The following SIPA1L3 variants were observed in gnomAD, a reference collection of about 807,000 sequenced individuals.
SIPA1L3 encodes signal induced proliferation associated 1 like 3.
SIPA1L3 carries 59 observed loss-of-function variants against 150.1 expected under a neutral mutation model. The ratio of observed to expected loss-of-function variants is 0.39; its 90% CI spans 0.32 to 0.49. The LOEUF (loss-of-function observed/expected upper bound fraction) is 0.49. Among genes scored for constraint, SIPA1L3 ranks in the 20% least tolerant of loss-of-function variants. The pLI is 0.86. For synonymous variants in SIPA1L3, 1,070 were observed against 1,077.6 expected, an observed-to-expected ratio of 0.99 and a Z score of 0.14; for missense variants, 2,211 against 2,489.5, an observed-to-expected ratio of 0.89 and a Z score of 2.38.
Position 38,164,877 on chromosome 19 carries a change from G to A in SIPA1L3, c.4179G>A (p.Gly1393=). 6.4e-7 allele frequency: 1 copy of A among 1,563,214 alleles called. No individual in the cohort carries two copies. Among genetic ancestry groups the A allele is most frequent in the African/African-American group, 1.3e-5 (1 of 74,228 alleles). Residue 1393 remains glycine (G), a synonymous_variant, in exon 15 of 22, where the codon GGG becomes GGA. Transcript: ENST00000222345. This position sits in a 1 kb window ranked among gnomAD's most constrained non-coding sequence, Gnocchi z 4.1. ...SGSSTPTGLA[G]GSRDPPRQPS... Reference sequence around the variant, plus strand: ...CCAGCACCCCCACGGGACTGGCGGGGGGCAGCCGAGACCCACCGAGGCAGC... The same window carrying A: ...CCAGCACCCCCACGGGACTGGCGGGAGGCAGCCGAGACCCACCGAGGCAGC...
At chr19:38,049,618 C>T (rs995721571) in intron 2 of SIPA1L3, among the ~76,000 whole-genome samples, 7 of 152,140 alleles carry the variant, frequency 4.6e-5, no homozygotes, top group Non-Finnish European at 4.4e-5. Flanking sequence ...CAGTTGCAGC[C>T]GGAGATAGGC....
chr19:37,924,180 T>TA (rs1179835925), intron 1 of SIPA1L3, among the ~76,000 whole-genome samples: 1 of 152,226 alleles, frequency 6.6e-6, no homozygotes, highest in Non-Finnish European at 1.5e-5. Context: ...TTTTTAAATT[T>TA]AAAATGTTCC....
At position 38,077,178 on chromosome 19, in the gene SIPA1L3, C is replaced by T. The variant is rs190296214; in HGVS notation, c.-310-4078C>T. ...AGAAAGTCATTGAGGAGGCTGGGTA[C>T]GGTGCCTCACACCTGTAATCCCAGT... On this transcript the variant is annotated intron_variant, in intron 2 of 21. Transcript: ENST00000222345. Among the ~76,000 whole-genome samples the T allele has an allele frequency of 3.0e-4, 45 of 152,210 alleles. 1 individual carries two copies. Among genetic ancestry groups the T allele is most frequent in the African/African-American group, 7.9e-4 (33 of 41,538 alleles).
intron 1 of SIPA1L3, among the ~76,000 whole-genome samples, chr19:37,936,341 G>A (rs553717051): frequency 6.6e-6 from 1 of 152,276 alleles, no homozygotes; most frequent in South Asian, 2.1e-4. Flanking sequence ...CACAGAAGTG[G>A]TGGGTAAACA....
chr19:37,928,192 A>T (rs1443229650), intron 1 of SIPA1L3, among the ~76,000 whole-genome samples: 1 of 152,138 alleles, frequency 6.6e-6, no homozygotes, highest in Non-Finnish European at 1.5e-5. Context: ...GTGTATCAGC[A>T]TGGTGACGTG....
intron 18 of SIPA1L3, among the ~76,000 whole-genome samples, chr19:38,195,201 G>T (rs1972895473): frequency 6.6e-6 from 1 of 152,112 alleles, no homozygotes; most frequent in South Asian, 2.1e-4. Flanking sequence ...CCTGCTCAGG[G>T]CATCCTGCAC....
At chr19:38,109,376 A>G (rs992151690) in intron 7 of SIPA1L3, 6 of 152,190 alleles carry the variant, frequency 3.9e-5, no homozygotes, top group South Asian at 2.1e-4. Flanking sequence ...ACCCACCCCT[A>G]TGATTCAGTT....
chr19:37,997,844 G>A (rs558803764), intron 1 of SIPA1L3, among the ~76,000 whole-genome samples: 1 of 143,668 alleles, frequency 7.0e-6, no homozygotes, highest in Admixed American at 7.2e-5. Flanking sequence ...CCAGCCTGAC[G>A]ACAGAGCGAG....
rs12982415 is a variant in SIPA1L3, at chr19:38,206,600, C to A, written c.*360C>A. On this transcript the variant is annotated 3_prime_UTR_variant, in exon 22 of 22. Coordinates refer to ENST00000222345, the MANE Select transcript of SIPA1L3 (RefSeq NM_015073.3). ...ACGGAGAGAGGAGCCAGTCTCCAGACGCCTCGGCTCCAGGAGGTCACACAG... is the reference window on the plus strand; with the variant it reads ...ACGGAGAGAGGAGCCAGTCTCCAGAAGCCTCGGCTCCAGGAGGTCACACAG... 1 of 190,694 alleles carries A rather than the reference C, an allele frequency of 5.2e-6. No individual in the cohort carries two copies. Among genetic ancestry groups the A allele is most frequent in the East Asian group, 1.3e-4 (1 of 7,888 alleles). 11.8% of individuals were successfully genotyped at this position (190,694 alleles called of 1,614,324 possible).
At chr19:38,124,501 G>A (rs1310188024) in intron 9 of SIPA1L3, among the ~76,000 whole-genome samples, 27 of 149,590 alleles carry the variant, frequency 1.8e-4, no homozygotes, top group Admixed American at 1.1e-3. Flanking sequence ...GGGCAGAGAC[G>A]CTCCTCACTT....
At chr19:37,976,195 T>C (rs1967072498) in intron 1 of SIPA1L3, among the ~76,000 whole-genome samples, 1 of 148,660 alleles carries the variant, frequency 6.7e-6, no homozygotes, top group African/African-American at 2.5e-5. Flanking sequence ...TGCACAGGAG[T>C]GTTCCACCAA....
intron 2 of SIPA1L3, among the ~76,000 whole-genome samples, chr19:38,075,657 G>A (rs1568534533): frequency 6.6e-6 from 1 of 151,344 alleles, no homozygotes; most frequent in Non-Finnish European, 1.5e-5. Flanking sequence ...GTGTGCACCT[G>A]TAATCCCAGC....
intron 1 of SIPA1L3, among the ~76,000 whole-genome samples, chr19:38,015,358 C>T (rs975281989): frequency 5.9e-5 from 9 of 152,278 alleles, no homozygotes; most frequent in East Asian, 3.9e-4. Flanking sequence ...TGTGGGTTAC[C>T]GTATCTTTCT....
At chr19:38,035,703 G>A (rs373137374) in intron 2 of SIPA1L3, among the ~76,000 whole-genome samples, 1 of 152,048 alleles carries the variant, frequency 6.6e-6, no homozygotes, top group African/African-American at 2.4e-5. Flanking sequence ...ACGAGAAGTC[G>A]CATAATAGAT....
chr19:38,028,875 G>A (rs1249672502), intron 1 of SIPA1L3, among the ~76,000 whole-genome samples: 2 of 152,034 alleles, frequency 1.3e-5, no homozygotes, highest in Admixed American at 1.3e-4. Context: ...TGTATTTTTA[G>A]TAGAGATGGG....
rs56926575 is a variant in SIPA1L3, at chr19:37,979,556, C to CA, written c.-378-49516dup. ...TGGGCAACAGAGCGAGACTCTGTCTCAAAAAAAAAAAAAAAAATTTAGGTT... is the reference window on the plus strand; with the variant it reads ...TGGGCAACAGAGCGAGACTCTGTCTCAAAAAAAAAAAAAAAAAATTTAGGTT... On this transcript the variant is annotated intron_variant, in intron 1 of 21. Coordinates refer to ENST00000222345, the MANE Select transcript of SIPA1L3 (RefSeq NM_015073.3). Among the ~76,000 whole-genome samples, 1,041 of 119,898 alleles carry CA rather than the reference C, an allele frequency of 8.7e-3. 10 individuals are homozygous for CA. The highest frequency in any genetic ancestry group is 0.02 in the African/African-American group (711 of 35,258). 78.7% of individuals were successfully genotyped at this position (119,898 alleles called of 152,430 possible).
intron 13 of SIPA1L3, 44 bp from the exon 14 acceptor site, chr19:38,162,209 C>T (rs757355458): frequency 1.3e-6 from 2 of 1,513,708 alleles, no homozygotes; most frequent in East Asian, 2.3e-5. Flanking sequence ...AGGCCCTGGC[C>T]TGAGTCACTC....
chr19:37,912,370 A>G (rs1000758710), intron 1 of SIPA1L3, among the ~76,000 whole-genome samples: 1 of 152,194 alleles, frequency 6.6e-6, no homozygotes, highest in African/African-American at 2.4e-5. Flanking sequence ...TACCTTGGGC[A>G]AATCATGTGT....
At position 38,047,860 on chromosome 19, in the gene SIPA1L3, GTC is replaced by G. The variant is rs1969096798; in HGVS notation, c.-311+18709_-311+18710del. Among the ~76,000 whole-genome samples, 2 of 152,196 alleles carry G rather than the reference GTC, an allele frequency of 1.3e-5. No homozygotes were observed. On this transcript the variant is annotated intron_variant, in intron 2 of 21. Transcript: ENST00000222345. This position sits in a 1 kb window ranked among gnomAD's most constrained non-coding sequence, Gnocchi z 4.7. Reference sequence around the variant, plus strand: ...GTGCCAGGCTGGGCTTTCTGGTCCTGTCTCTCATCCTCAGCTCCAGTCAGCTG... The same window carrying G: ...GTGCCAGGCTGGGCTTTCTGGTCCTGTCTCATCCTCAGCTCCAGTCAGCTG...
Sources: allele counts gnomAD v4.1 joint callset (sites outside exome capture counted in the v4.1 genomes callset), GRCh38; gene constraint gnomAD v4.1.1; non-coding constraint Gnocchi (gnomAD v3.1); transcripts MANE v1.5; gene names NCBI Gene and HGNC (gene_info 2026-07-23, HGNC 2026-07-21).